Variants in DUXA observed in about 807,000 individuals in gnomAD.
DUXA encodes the protein double homeobox A, also known as double homeobox protein A.
DUXA carries 25 observed loss-of-function variants against 27.5 expected under a neutral mutation model. The ratio of observed to expected loss-of-function variants is 0.91; its 90% CI spans 0.66 to 1.27. The LOEUF is 1.27. Among genes scored for constraint, DUXA ranks in the 50% most tolerant of loss-of-function variants. DUXA has a pLI of 0.00. For missense variants in DUXA, 247 were observed against 242.9 expected, an observed-to-expected ratio of 1.02 and a Z score of -0.11; for synonymous variants, 90 against 80.5, an observed-to-expected ratio of 1.12 and a Z score of -0.63.
chr19:57,156,073 T>A (rs1052289939), intron 4 of DUXA, among the ~76,000 whole-genome samples: 1 of 152,196 alleles, frequency 6.6e-6, no homozygotes, highest in Non-Finnish European at 1.5e-5. Context: ...AGGTTTTAGA[T>A]CCTGAAAGTT....
rs933603075 is a variant in DUXA at position 57,157,195 on chromosome 19, G to C, written c.438+1133C>G. Among the ~76,000 whole-genome samples, 7 of 152,302 alleles carry C rather than the reference G, an allele frequency of 4.6e-5. No individual in the cohort carries two copies. The South Asian group carries it at 1.5e-3, about 32-fold the overall frequency. Reference sequence around the variant, plus strand: ...GTGCATTCATGTCCTGCTTACAGGAGGGAGCACTGGTTTAAACGCACACAC... The same window carrying C: ...GTGCATTCATGTCCTGCTTACAGGACGGAGCACTGGTTTAAACGCACACAC... On this transcript the variant is annotated intron_variant, in intron 4 of 5. Coordinates refer to ENST00000554048, the MANE Select transcript of DUXA (RefSeq NM_001012729.2).
At chr19:57,160,821 A>G (rs185513787) in intron 1 of DUXA, 24 bp from the exon 2 acceptor site, 4 of 1,612,342 alleles carry the variant, frequency 2.5e-6, no homozygotes, top group African/African-American at 2.7e-5. Flanking sequence ...ACAAAAGAAG[A>G]AGCATGTAAT....
chr19:57,160,540 C>A, intron 2 of DUXA, 103 bp downstream of exon 2: 1 of 1,370,942 alleles, frequency 7.3e-7, no homozygotes, highest in South Asian at 1.4e-5. Flanking sequence ...TGAGATACTC[C>A]CTACCAAGCC....
chr19:57,154,549 A>T, intron 5 of DUXA, 67 bp from the exon 6 acceptor site: 1 of 1,293,168 alleles, frequency 7.7e-7, no homozygotes, highest in East Asian at 2.4e-5. Context: ...CATGGACGTC[A>T]GCCTTTTCCC....
At chr19:57,160,523 G>T in intron 2 of DUXA, 120 bp downstream of exon 2, 1 of 1,202,812 alleles carries the variant, frequency 8.3e-7, no homozygotes, top group South Asian at 1.5e-5. Flanking sequence ...GTTTATTGAG[G>T]GTCAGTTGAG....
chr19:57,166,569 A>G (rs915405234), intron 1 of DUXA, among the ~76,000 whole-genome samples: 1 of 152,168 alleles, frequency 6.6e-6, no homozygotes, highest in Non-Finnish European at 1.5e-5. Flanking sequence ...CGGCCTCCCA[A>G]AGTGCTGGGA....
At position 57,167,408 on chromosome 19, in the gene DUXA, A is replaced by G. The variant is rs376257357; in HGVS notation, c.25+11T>C. 36 of 1,613,556 alleles carry G rather than the reference A, an allele frequency of 2.2e-5. No homozygotes were observed. The Middle Eastern group carries it at 6.6e-4, about 30-fold the overall frequency. On this transcript the variant is annotated intron_variant, in intron 1 of 5. Transcript: ENST00000554048. ...ACCAACAAAAGCTCAGTCAAGCACAAGGGAACTTACTGTGTGAATAGGTGT... is the reference window on the plus strand; with the variant it reads ...ACCAACAAAAGCTCAGTCAAGCACAGGGGAACTTACTGTGTGAATAGGTGT...
chr19:57,160,900 A>C, intron 1 of DUXA, 103 bp from the exon 2 acceptor site: 1 of 1,345,140 alleles, frequency 7.4e-7, no homozygotes, highest in South Asian at 1.3e-5. Flanking sequence ...AATCCACTGG[A>C]ATCCACTCCA....
At chr19:57,155,876 C>A (rs1199385245) in intron 4 of DUXA, among the ~76,000 whole-genome samples, 2 of 152,012 alleles carry the variant, frequency 1.3e-5, no homozygotes, top group East Asian at 3.9e-4. Context: ...ACCATATTGG[C>A]CAGGCTGGTC....
At chr19:57,162,904 A>G (rs1302500914) in intron 1 of DUXA, among the ~76,000 whole-genome samples, 2 of 151,954 alleles carry the variant, frequency 1.3e-5, no homozygotes, top group African/African-American at 4.8e-5. Context: ...TGAAGGGGGA[A>G]GTTTCAACTT....
At position 57,155,281 on chromosome 19, in the gene DUXA, G is replaced by T; in HGVS notation, c.530C>A (p.Pro177His). Residue 177 changes from proline to histidine, a missense_variant, in exon 5 of 6, where the codon CCT becomes CAT. Physicochemically the swap from Pro to His is moderately conservative, Grantham distance 77. Transcript: ENST00000554048. ...SLEQEEQGKIPEGLQGAEDTQ... is the reference protein window; with the variant it reads ...SLEQEEQGKIHEGLQGAEDTQ... ...AGGCTAGTTACCTTGCAGTCCCTCAGGAATCTTGCCCTGCTCTTCTTGTTC... is the reference window on the plus strand; with the variant it reads ...AGGCTAGTTACCTTGCAGTCCCTCATGAATCTTGCCCTGCTCTTCTTGTTC... The T allele has an allele frequency of 6.2e-7, 1 of 1,614,150 alleles. No individual in the cohort carries two copies.
intron 3 of DUXA, 109 bp downstream of exon 3, chr19:57,159,058 A>C: frequency 1.2e-6 from 1 of 861,600 alleles, no homozygotes; most frequent in South Asian, 1.7e-5. Flanking sequence ...TGCCACCATA[A>C]GACCCTGAAC....
chr19:57,155,149 G>A (rs2086986125), intron 5 of DUXA, 118 bp downstream of exon 5: 1 of 850,502 alleles, frequency 1.2e-6, no homozygotes, highest in Non-Finnish European at 1.9e-6. Flanking sequence ...GTACCGTGGA[G>A]CACTTGAGTG....
rs370297842 is a variant in DUXA at position 57,155,313 on chromosome 19, C to G, written c.498G>C (p.Ala166=). ...LLLQRKREPV[A]SLEQEEQGKI... ...TGCCCTGCTCTTCTTGTTCTAAGGACGCCACAGGTTCCCTTTTTCTCTGGA... is the reference window on the plus strand; with the variant it reads ...TGCCCTGCTCTTCTTGTTCTAAGGAGGCCACAGGTTCCCTTTTTCTCTGGA... The change falls in exon 5 of 6, where the codon GCG becomes GCC. Residue 166 remains alanine, a synonymous_variant. Transcript: ENST00000554048. 3 of 1,614,200 alleles carry G rather than the reference C, an allele frequency of 1.9e-6. No homozygotes were observed. Among genetic ancestry groups the G allele is most frequent in the African/African-American group, 1.3e-5 (1 of 75,062 alleles).
chr19:57,158,271 C>T, intron 4 of DUXA, 57 bp downstream of exon 4: 4 of 1,592,432 alleles, frequency 2.5e-6, no homozygotes, highest in South Asian at 1.1e-5. Context: ...CATGTGGCTT[C>T]CCTTCCTGTA....
rs561263094 is a variant in DUXA at position 57,154,619 on chromosome 19, G to A, written c.545-137C>T. 1.1e-3 allele frequency: 672 copies of A among 611,798 alleles called. 1 individual carries two copies. The highest frequency in any genetic ancestry group is 6.4e-3 in the African/African-American group (333 of 52,420). The allele number at this position is 611,798 out of a possible 1,614,324, so 37.9% of individuals were successfully genotyped here. On this transcript the variant is annotated intron_variant, in intron 5 of 5. Coordinates refer to ENST00000554048, the MANE Select transcript of DUXA (RefSeq NM_001012729.2). Reference sequence around the variant, plus strand: ...CACTTTGTCGCCCAGGCTGGAGTGCGGTGGCGCGATCTCGGCTCACTGCAA... The same window carrying A: ...CACTTTGTCGCCCAGGCTGGAGTGCAGTGGCGCGATCTCGGCTCACTGCAA...
intron 1 of DUXA, among the ~76,000 whole-genome samples, chr19:57,164,025 G>A (rs193164960): frequency 6.6e-6 from 1 of 152,026 alleles, no homozygotes; most frequent in African/African-American, 2.4e-5. Flanking sequence ...AGACTATCCT[G>A]GGCAACATAG....
At chr19:57,161,345 T>A (rs1288710713) in intron 1 of DUXA, among the ~76,000 whole-genome samples, 1 of 35,672 alleles carries the variant, frequency 2.8e-5, no homozygotes, top group African/African-American at 1.3e-4. Context: ...AAAAAAAAAC[T>A]GGGCGCGGTG....
At chr19:57,165,776 G>A (rs1242569145) in intron 1 of DUXA, among the ~76,000 whole-genome samples, 1 of 133,504 alleles carries the variant, frequency 7.5e-6, no homozygotes, top group Non-Finnish European at 1.6e-5. Flanking sequence ...CTGCACTCCA[G>A]CCTGGGCGAG....
Sources: gnomAD v4.1 joint callset for allele counts (sites outside exome capture counted in the v4.1 genomes callset) on GRCh38, gnomAD v4.1.1 for gene constraint, MANE v1.5 for transcripts, NCBI Gene and HGNC (gene_info 2026-07-23, HGNC 2026-07-21) for gene names.